The following PCDHGB1 variants were observed in gnomAD, a reference collection of about 807,000 sequenced individuals.
PCDHGB1 encodes the protein protocadherin gamma-B1.
In PCDHGB1, 34 loss-of-function variants were observed where a neutral mutation model predicts 56.6. The ratio of observed to expected loss-of-function variants is 0.60; its 90% confidence interval spans 0.46 to 0.80. The LOEUF is 0.80. Among genes scored for constraint, PCDHGB1 ranks in the 30% least tolerant of loss-of-function variants. The pLI is 0.00. For missense variants in PCDHGB1, 1,278 were observed against 1,204.6 expected (o/e 1.06, Z -0.90); for synonymous variants, 561 against 505.9 (o/e 1.11, Z -1.46).
At chr5:141,385,050 G>C in intron 1 of PCDHGB1, 1 of 1,614,164 alleles carries the variant, frequency 6.2e-7, no homozygotes, top group Non-Finnish European at 8.5e-7. Flanking sequence ...TCAGGCTGCG[G>C]CGCTGGCACA....
Position 141,483,626 on chromosome 5 carries a change from G to A in PCDHGB1, c.2410-11181G>A, listed in dbSNP as rs112905417. On this transcript the variant is annotated intron_variant, in intron 1 of 3. Coordinates refer to ENST00000523390, the MANE Select transcript of PCDHGB1 (RefSeq NM_018922.3). ...TTACACCTCCATCATTCCCATGGGA[G>A]AAGGTATAGAGGGGTGTGTGTTTGT... Among the ~76,000 whole-genome samples the A allele has an allele frequency of 6.0e-4, 90 of 150,886 alleles. 1 individual carries two copies. The highest frequency in any genetic ancestry group is 1.7e-3 in the African/African-American group (69 of 40,378).
At chr5:141,402,945 A>T (rs2094324619) in intron 1 of PCDHGB1, 2 of 1,593,720 alleles carry the variant, frequency 1.3e-6, no homozygotes, top group Admixed American at 3.6e-5. Flanking sequence ...TTCCAAAGCG[A>T]GGCAGCAATG....
At position 141,357,085 on chromosome 5, in the gene PCDHGB1, G is replaced by T. The variant is rs768829720; in HGVS notation, c.2409+4416G>T. The T allele has an allele frequency of 4.3e-6, 7 of 1,613,900 alleles. No individual in the cohort carries two copies. In the East Asian group the frequency reaches 8.9e-5, roughly 21 times the overall value. On this transcript the variant is annotated intron_variant, in intron 1 of 3. Transcript: ENST00000523390. ...GCTGCACACAGGCGAGGTGCGCACC[G>T]CACGGGCCCTGCTGGACAGAGACGC... is the stretch of plus-strand genomic sequence containing the variant.
At chr5:141,358,546 G>A (rs1278401378) in intron 1 of PCDHGB1, among the ~76,000 whole-genome samples, 2 of 152,144 alleles carry the variant, frequency 1.3e-5, no homozygotes, top group Non-Finnish European at 2.9e-5. Context: ...TCTTGTTGCT[G>A]TTCTGAGATG....
intron 1 of PCDHGB1, chr5:141,376,383 A>G: frequency 5.0e-6 from 8 of 1,614,228 alleles, no homozygotes; most frequent in Non-Finnish European, 6.8e-6. Flanking sequence ...CGTAAGAGTC[A>G]TCTGATTTTC....
intron 1 of PCDHGB1, chr5:141,399,539 G>A (rs1324095299): frequency 1.2e-6 from 2 of 1,614,050 alleles, no homozygotes; most frequent in Non-Finnish European, 1.7e-6. Flanking sequence ...GCGCAAGTCT[G>A]CGCCTCGGAC....
At chr5:141,376,316 G>A (rs1178295234) in intron 1 of PCDHGB1, 2 of 1,614,224 alleles carry the variant, frequency 1.2e-6, no homozygotes, top group Non-Finnish European at 1.7e-6. Flanking sequence ...GGGCGTGGAA[G>A]GGGTTCGGGC....
chr5:141,503,392 C>T lies in PCDHGB1; in HGVS notation c.2469-2001C>T, dbSNP rs554732406. 1.2e-4 allele frequency among the ~76,000 whole-genome samples: 18 copies of T among 151,870 alleles called. No individual in the cohort carries two copies. The South Asian group carries it at 3.5e-3, about 30-fold the overall frequency. On this transcript the variant is annotated intron_variant, in intron 2 of 3. Transcript: ENST00000523390. ...CAGGTGGATCATGAGGTCAGGAGTT[C>T]GAAACCAACCTGGCCAATATGGTGA...
chr5:141,464,483 C>G (rs192469583), intron 1 of PCDHGB1, among the ~76,000 whole-genome samples: 32 of 151,368 alleles, frequency 2.1e-4, no homozygotes, highest in African/African-American at 7.3e-4. Flanking sequence ...ATAATAAATT[C>G]CTAATAGTGT....
chr5:141,386,487 A>G (rs1374608231), intron 1 of PCDHGB1, among the ~76,000 whole-genome samples: 1 of 149,584 alleles, frequency 6.7e-6, no homozygotes, highest in African/African-American at 2.5e-5. Context: ...GCCCACCTAG[A>G]TAATATAACA....
At chr5:141,481,813 G>A (rs185558948) in intron 1 of PCDHGB1, among the ~76,000 whole-genome samples, 15 of 151,942 alleles carry the variant, frequency 9.9e-5, no homozygotes, top group East Asian at 7.8e-4. Context: ...TTCACCAGGC[G>A]TGGTGGCTGA....
chr5:141,461,732 A>G (rs945368729), intron 1 of PCDHGB1, among the ~76,000 whole-genome samples: 5 of 152,154 alleles, frequency 3.3e-5, no homozygotes, highest in Non-Finnish European at 5.9e-5. Context: ...GTGCAGTGGC[A>G]CAATCCCGGC....
chr5:141,468,230 TAGG>T (rs1451844939), intron 1 of PCDHGB1, among the ~76,000 whole-genome samples: 9 of 141,220 alleles, frequency 6.4e-5, no homozygotes, highest in South Asian at 2.2e-4. Context: ...GAGGATGAGG[TAGG>T]AGAATTGCCT....
chr5:141,477,312 T>G lies in PCDHGB1; in HGVS notation c.2410-17495T>G. On this transcript the variant is annotated intron_variant, in intron 1 of 3. Coordinates refer to ENST00000523390, the MANE Select transcript of PCDHGB1 (RefSeq NM_018922.3). This position sits in a 1 kb window ranked among gnomAD's most constrained non-coding sequence, Gnocchi z 4.9. ...GTTCCACCGGGTCTCCCTTTCAGCC[T>G]TACTTCTTCCCTCAAGAATTACTTC... The G allele has an allele frequency of 1.2e-6, 2 of 1,614,162 alleles. No individual in the cohort carries two copies. The highest frequency in any genetic ancestry group is 1.7e-6 in the Non-Finnish European group (2 of 1,180,032).
intron 1 of PCDHGB1, chr5:141,373,807 T>G (rs760297070): frequency 2.9e-6 from 1 of 341,172 alleles, no homozygotes; most frequent in African/African-American, 2.1e-5. Context: ...CTCTGTGTGA[T>G]AGTTTCACAA....
At position 141,476,606 on chromosome 5, in the gene PCDHGB1, G is replaced by T. The variant is rs2099394832; in HGVS notation, c.2410-18201G>T. The stretch of plus-strand genomic sequence containing the variant: ...GCTCGAGAGCGCGCACGATCCCGAT[G>T]TGGGAAGCAACTCTTTACAAACCTA... On this transcript the variant is annotated intron_variant, in intron 1 of 3. Transcript: ENST00000523390. The surrounding 1 kb of genome is among the most constrained non-coding windows in gnomAD (Gnocchi z 7.6). The T allele has an allele frequency of 1.9e-6, 3 of 1,614,126 alleles. No individual in the cohort carries two copies. Among genetic ancestry groups the T allele is most frequent in the Non-Finnish European group, 1.7e-6 (2 of 1,180,054 alleles).
Position 141,350,316 on chromosome 5 carries a change from T to C in PCDHGB1, c.56T>C (p.Leu19Pro). 6.5e-7 allele frequency: 1 copy of C among 1,527,202 alleles called. No individual in the cohort carries two copies. 94.6% of individuals were successfully genotyped at this position (1,527,202 alleles called of 1,614,324 possible). A position where few individuals can be genotyped will look rare whatever the true frequency, so the allele number is the denominator to read the frequency against. Residue 19 changes from leucine (L) to proline (P), a missense_variant, in exon 1 of 4, where the codon CTG (leucine) becomes CCG (proline). Leu to Pro is a moderately conservative substitution (Grantham distance 98, BLOSUM62 -3). Transcript: ENST00000523390. ...AAAAGTCAGGTACTGTTTCCCTTCC[T>C]GCTGTCTTTGTTCTGCGGGGCCATC... ...MMKSQVLFPF[L>P]LSLFCGAISQ...
In PCDHGB1 at chr5:141,352,669, C is replaced by A. The variant is rs756977674; in HGVS notation, c.2409C>A (p.His803Gln). The stretch of plus-strand genomic sequence containing the variant: ...CTTATGACCCTTCTTTGTCTTCGCA[C>A]GTGAGTTTCTGCAAATCTAGTTAAA... ...KIAYDPSLSSHQAPPNTDWRF... is the reference protein window; with the variant it reads ...KIAYDPSLSSQQAPPNTDWRF... Residue 803 changes from histidine (H) to glutamine (Q), a missense_variant and splice_region_variant, in exon 1 of 4, where the codon CAC becomes CAA. Physicochemically the swap from His to Gln is conservative, Grantham distance 24. Transcript: ENST00000523390. 11 of 1,582,550 alleles carry A rather than the reference C, an allele frequency of 7.0e-6. No individual in the cohort carries two copies. The East Asian group carries it at 1.6e-4, about 23-fold the overall frequency.
chr5:141,487,256 G>A lies in PCDHGB1; in HGVS notation c.2410-7551G>A. ...ATCTCGTCTAACCCTCTACTTGGCTGTGTCCCTAGTGGCAATTTGCTTTGT... is the reference window on the plus strand; with the variant it reads ...ATCTCGTCTAACCCTCTACTTGGCTATGTCCCTAGTGGCAATTTGCTTTGT... On this transcript the variant is annotated intron_variant, in intron 1 of 3. Transcript: ENST00000523390. The surrounding 1 kb of genome is among the most constrained non-coding windows in gnomAD (Gnocchi z 5.0). The A allele has an allele frequency of 6.2e-7, 1 of 1,614,166 alleles. No individual in the cohort carries two copies. The highest frequency in any genetic ancestry group is 8.5e-7 in the Non-Finnish European group (1 of 1,180,032).
Sources: allele counts gnomAD v4.1 joint callset (sites outside exome capture counted in the v4.1 genomes callset), GRCh38; gene constraint gnomAD v4.1.1; non-coding constraint Gnocchi (gnomAD v3.1); transcripts MANE v1.5; gene names NCBI Gene and HGNC (gene_info 2026-07-23, HGNC 2026-07-21).